Variants in MYBPC1 observed in about 807,000 individuals in gnomAD.
MYBPC1 encodes myosin-binding protein C, slow-type.
In MYBPC1, 52 loss-of-function variants were observed where a neutral mutation model predicts 147.1. The observed-to-expected ratio is 0.35, with a 90% CI of 0.28 to 0.45. The LOEUF (loss-of-function observed/expected upper bound fraction) is 0.45, where lower values mean the gene tolerates loss of function less well. Ranked by LOEUF, MYBPC1 falls within the 20% of genes least tolerant of loss-of-function variation. The probability of loss-of-function intolerance (pLI) is 1.00; values close to 1 mark genes in which losing one functional copy is unlikely to be tolerated. For synonymous variants in MYBPC1, 477 were observed against 475.9 expected, an observed-to-expected ratio of 1.00 and a Z score of -0.03; for missense variants, 1,228 against 1,440.3, an observed-to-expected ratio of 0.85 and a Z score of 2.39.
At chr12:101,689,951 G>A (rs893788874), downstream of MYBPC1, among the ~76,000 whole-genome samples, 3 of 152,146 alleles carry the variant, frequency 2.0e-5, no homozygotes, top group African/African-American at 7.2e-5. Flanking sequence ...GAGGCAGGTG[G>A]ATCACCTGAG....
rs115463761 is a variant in MYBPC1, at chr12:101,630,842, A to G, written c.290-729A>G. Among the ~76,000 whole-genome samples, 330 of 152,310 alleles carry G rather than the reference A, an allele frequency of 2.2e-3. 1 individual carries two copies. The highest frequency in any genetic ancestry group is 7.3e-3 in the African/African-American group (305 of 41,564). Reference sequence around the variant, plus strand: ...TTAACCAAATAAATCTTTATAAGGGATATATTATGATCTGAACTAGTCTTT... The same window carrying G: ...TTAACCAAATAAATCTTTATAAGGGGTATATTATGATCTGAACTAGTCTTT... On this transcript the variant is annotated intron_variant, in intron 6 of 31. Coordinates refer to ENST00000361466, the MANE Select transcript of MYBPC1 (RefSeq NM_002465.4).
intron 28 of MYBPC1, 145 bp downstream of exon 28, chr12:101,678,383 T>C (rs894051448): frequency 2.2e-5 from 26 of 1,187,260 alleles, no homozygotes; most frequent in Non-Finnish European, 3.2e-5. Context: ...GGTAGATTAT[T>C]AGGCACACTA....
At chr12:101,625,641 C>A (rs1200412235) in intron 3 of MYBPC1, among the ~76,000 whole-genome samples, 1 of 152,204 alleles carries the variant, frequency 6.6e-6, no homozygotes, top group African/African-American at 2.4e-5. Flanking sequence ...ACAATACCGA[C>A]GTTCTTTTTC....
downstream of MYBPC1, among the ~76,000 whole-genome samples, chr12:101,687,356 G>A (rs1057253801): frequency 1.3e-5 from 2 of 152,124 alleles, no homozygotes; most frequent in Non-Finnish European, 2.9e-5. Context: ...AGTTTGCTGA[G>A]AATGATGGTT....
At chr12:101,630,381 C>G (rs1170997699) in intron 6 of MYBPC1, among the ~76,000 whole-genome samples, 1 of 152,192 alleles carries the variant, frequency 6.6e-6, no homozygotes, top group Non-Finnish European at 1.5e-5. Context: ...GATCTTGATT[C>G]TGCTTCCTGC....
chr12:101,690,067 C>T (rs1238742864), downstream of MYBPC1, among the ~76,000 whole-genome samples: 1 of 151,996 alleles, frequency 6.6e-6, no homozygotes, highest in Non-Finnish European at 1.5e-5. Flanking sequence ...CCCAGCTACT[C>T]GGGAGGCTGA....
downstream of MYBPC1, among the ~76,000 whole-genome samples, chr12:101,690,031 C>G (rs1951393139): frequency 6.6e-6 from 1 of 152,152 alleles, no homozygotes; most frequent in Non-Finnish European, 1.5e-5. Context: ...AAAAATTAGC[C>G]AGGCGTGGTG....
In MYBPC1 at chr12:101,667,830, G is replaced by T; in HGVS notation, c.2455G>T (p.Ala819Ser). 6.2e-7 allele frequency: 1 copy of T among 1,614,170 alleles called. No individual in the cohort carries two copies. Among genetic ancestry groups the T allele is most frequent in the Non-Finnish European group, 8.5e-7 (1 of 1,180,034 alleles). Reference protein sequence around the residue: ...TDAKIFVRVKAVNAAGASEPK... With the variant: ...TDAKIFVRVKSVNAAGASEPK... ...TGCAAAGATCTTTGTGCGTGTGAAG[G>T]CTGTTAATGCAGCTGGTGCCAGCGA... The change falls in exon 23 of 32, where the codon GCT becomes TCT. Residue 819 changes from alanine (A) to serine (S), a missense_variant. Ala to Ser is a moderately conservative substitution (Grantham distance 99). Around this residue, in one of 2 missense-constraint regions of MYBPC1, gnomAD observed 1,077 missense variants for 1,314.2 expected, o/e 0.82. Coordinates refer to ENST00000361466, the MANE Select transcript of MYBPC1 (RefSeq NM_002465.4).
intron 30 of MYBPC1, 64 bp downstream of exon 30, chr12:101,682,726 G>A: frequency 7.1e-7 from 1 of 1,414,510 alleles, no homozygotes; most frequent in South Asian, 1.2e-5. Context: ...ACATGAAAAT[G>A]CACCTTGCAT....
At chr12:101,650,804 A>T (rs1279274408) in intron 15 of MYBPC1, 2 of 237,362 alleles carry the variant, frequency 8.4e-6, no homozygotes, top group African/African-American at 4.5e-5. Context: ...AAAAGACCTG[A>T]GATTTGCTTA....
chr12:101,673,693 G>A, intron 25 of MYBPC1, 71 bp downstream of exon 25: 1 of 1,523,640 alleles, frequency 6.6e-7, no homozygotes, highest in Non-Finnish European at 9.1e-7. Context: ...TGTCCCTAAG[G>A]CAAGAGCAGG....
intron 27 of MYBPC1, 111 bp from the exon 28 acceptor site, chr12:101,677,991 A>G: frequency 7.5e-7 from 1 of 1,332,964 alleles, no homozygotes; most frequent in Non-Finnish European, 1.1e-6. Flanking sequence ...ATCTTTGTCC[A>G]TGTTTTTCTA....
At chr12:101,666,217 C>A (rs1897381106) in intron 22 of MYBPC1, 1 of 165,502 alleles carries the variant, frequency 6.0e-6, no homozygotes, top group East Asian at 1.6e-4. Context: ...GAACTTGGAC[C>A]CTGGTAAAAC....
At chr12:101,648,296 G>T in intron 14 of MYBPC1, 146 bp downstream of exon 14, 2 of 605,740 alleles carry the variant, frequency 3.3e-6, no homozygotes, top group South Asian at 1.7e-5. Flanking sequence ...ATAAATAAAA[G>T]TATACTAATA....
chr12:101,611,818 C>T (rs905955739), intron 1 of MYBPC1, among the ~76,000 whole-genome samples: 10 of 152,298 alleles, frequency 6.6e-5, no homozygotes, highest in Non-Finnish European at 1.3e-4. Context: ...GTGGCTCACG[C>T]CTGTAATCCC....
In MYBPC1 at chr12:101,634,114, C is replaced by A. The variant is rs181315200; in HGVS notation, c.557-440C>A. 1.4e-3 allele frequency among the ~76,000 whole-genome samples: 216 copies of A among 152,132 alleles called. 1 individual carries two copies. Among genetic ancestry groups the A allele is most frequent in the Non-Finnish European group, 1.3e-3 (87 of 67,974 alleles). ...ACGGGGTTTCACCGTGTTAGCCAGG[C>A]TGGTCGCGATCTCCTGATCTCGTGA... On this transcript the variant is annotated intron_variant, in intron 8 of 31. Transcript: ENST00000361466.
chr12:101,613,790 C>G (rs1350660948), intron 1 of MYBPC1, among the ~76,000 whole-genome samples: 1 of 152,176 alleles, frequency 6.6e-6, no homozygotes, highest in African/African-American at 2.4e-5. Flanking sequence ...AGGTGGGAAT[C>G]TACTCCAAGC....
At chr12:101,645,799 A>G (rs890160153) in intron 12 of MYBPC1, among the ~76,000 whole-genome samples, 4 of 152,212 alleles carry the variant, frequency 2.6e-5, no homozygotes, top group African/African-American at 9.6e-5. Context: ...ACAGATAATT[A>G]TATTTTACAA....
rs1005959500 is a variant in MYBPC1 at position 101,631,488 on chromosome 12, G to A, written c.290-83G>A. The stretch of plus-strand genomic sequence containing the variant: ...CAATCACACCATATTCTGTAGTGCA[G>A]TCCCATGTCAACTCCTTCCAGTTGA... On this transcript the variant is annotated intron_variant, in intron 6 of 31. Transcript: ENST00000361466. 11 of 1,456,658 alleles carry A rather than the reference G, an allele frequency of 7.6e-6. No homozygotes were observed. The African/African-American group carries it at 1.5e-4, about 20-fold the overall frequency. The allele number at this position is 1,456,658 out of a possible 1,614,324, so 90.2% of individuals were successfully genotyped here.
Sources: gnomAD v4.1 joint callset for allele counts (sites outside exome capture counted in the v4.1 genomes callset) on GRCh38, gnomAD v4.1.1 for gene constraint, gnomAD v4.1.1 regional missense constraint, MANE v1.5 for transcripts, NCBI Gene and HGNC (gene_info 2026-07-23, HGNC 2026-07-21) for gene names.